The following GYS2 variants were observed in gnomAD, a reference collection of about 807,000 sequenced individuals.
The protein encoded by GYS2 is glycogen [starch] synthase, liver.
A neutral mutation model predicts 85.6 loss-of-function variants in GYS2; 80 were observed. The observed-to-expected ratio is 0.93, with a 90% CI of 0.78 to 1.13. The LOEUF (loss-of-function observed/expected upper bound fraction) is 1.13, where lower values mean the gene tolerates loss of function less well. Among genes scored for constraint, GYS2 ranks in the 50% most tolerant of loss-of-function variants. The pLI is 0.00. For missense variants in GYS2, 881 were observed against 854.9 expected, an observed-to-expected ratio of 1.03 and a Z score of -0.38; for synonymous variants, 328 against 300.7, an observed-to-expected ratio of 1.09 and a Z score of -0.94.
intron 5 of GYS2, among the ~76,000 whole-genome samples, chr12:21,567,555 G>A (rs1944336053): frequency 6.8e-6 from 1 of 146,114 alleles, no homozygotes; most frequent in African/African-American, 2.5e-5. Context: ...TTTTAACCTA[G>A]CACCTTGAAA....
intron 1 of GYS2, among the ~76,000 whole-genome samples, chr12:21,598,864 A>T (rs370289181): frequency 6.6e-6 from 1 of 152,100 alleles, no homozygotes; most frequent in South Asian, 2.1e-4. Context: ...CTGGAACAAC[A>T]TGGGGGCTAT....
At chr12:21,568,192 C>T (rs1163785273) in intron 5 of GYS2, among the ~76,000 whole-genome samples, 2 of 152,150 alleles carry the variant, frequency 1.3e-5, no homozygotes, top group Non-Finnish European at 2.9e-5. Context: ...TCCAGTGCAA[C>T]AAAGTAGAAA....
rs1160294153 is a variant in GYS2, at chr12:21,537,166, A to G, written c.1900T>C (p.Phe634Leu). 6.2e-7 allele frequency: 1 copy of G among 1,613,140 alleles called. No homozygotes were observed. Among genetic ancestry groups the G allele is most frequent in the South Asian group, 1.1e-5 (1 of 91,066 alleles). Residue 634 changes from phenylalanine to leucine, a missense_variant, in exon 16 of 16, where the codon TTT becomes CTT. Physicochemically the swap from Phe to Leu is conservative, Grantham distance 22 (BLOSUM62 0). Coordinates refer to ENST00000261195, the MANE Select transcript of GYS2 (RefSeq NM_021957.4). Reference protein sequence around the residue: ...ELTSPPTTEGFKYPRPSSVPP... With the variant: ...ELTSPPTTEGLKYPRPSSVPP... ...ACTGAGGAAGGCCTGGGATATTTAAATCCTTCTGTCTGCCAAAGACAAAAA... is the reference window on the plus strand; with the variant it reads ...ACTGAGGAAGGCCTGGGATATTTAAGTCCTTCTGTCTGCCAAAGACAAAAA...
chr12:21,568,095 C>T (rs1944343847), intron 5 of GYS2, among the ~76,000 whole-genome samples: 1 of 151,790 alleles, frequency 6.6e-6, no homozygotes, highest in African/African-American at 2.4e-5. Context: ...AAAAAGGGGT[C>T]GAAATCACTG....
intron 1 of GYS2, among the ~76,000 whole-genome samples, chr12:21,586,260 T>C (rs1944571672): frequency 6.6e-6 from 1 of 152,160 alleles, no homozygotes; most frequent in Non-Finnish European, 1.5e-5. Flanking sequence ...CTTTCTCCCA[T>C]GCTGGATGCT....
downstream of GYS2, among the ~76,000 whole-genome samples, chr12:21,533,191 T>A (rs1232708278): frequency 6.6e-6 from 1 of 152,198 alleles, no homozygotes; most frequent in East Asian, 1.9e-4. Context: ...TTTGCCTCTA[T>A]AGCCTACCTC....
intron 8 of GYS2, 78 bp downstream of exon 8, chr12:21,560,308 G>A (rs563740004): frequency 3.6e-5 from 30 of 824,804 alleles, no homozygotes; most frequent in Non-Finnish European, 5.4e-5. Context: ...AGTTCAAGGC[G>A]ATACATGAGA....
chr12:21,587,058 T>G (rs1327446175), intron 1 of GYS2, among the ~76,000 whole-genome samples: 1 of 152,166 alleles, frequency 6.6e-6, no homozygotes, highest in Admixed American at 6.5e-5. Context: ...GACATTATCC[T>G]CAGTGAAATA....
intron 11 of GYS2, 40 bp from the exon 12 acceptor site, chr12:21,546,510 G>C: frequency 1.4e-6 from 2 of 1,447,852 alleles, no homozygotes; most frequent in Non-Finnish European, 1.9e-6. Context: ...AAAGAAAAAG[G>C]AGCAAGTAAA....
chr12:21,539,962 C>T (rs1943952931), intron 14 of GYS2, among the ~76,000 whole-genome samples: 1 of 152,140 alleles, frequency 6.6e-6, no homozygotes, highest in South Asian at 2.1e-4. Context: ...TGTTTATAAA[C>T]CTATTGCATG....
intron 11 of GYS2, among the ~76,000 whole-genome samples, chr12:21,556,270 G>A (rs893458108): frequency 5.9e-5 from 9 of 152,206 alleles, no homozygotes; most frequent in Admixed American, 2.0e-4. Context: ...CAGGGCCCAA[G>A]CAATCCTCCC....
intron 1 of GYS2, among the ~76,000 whole-genome samples, chr12:21,590,920 G>T (rs1172688031): frequency 6.6e-6 from 1 of 152,082 alleles, no homozygotes; most frequent in Non-Finnish European, 1.5e-5. Flanking sequence ...GCTGCTGTAT[G>T]CACCTAGAAA....
rs1427800974 is a variant in GYS2, at chr12:21,563,280, G to C, written c.889C>G (p.His297Asp). Residue 297 changes from histidine (H) to aspartate (D), a missense_variant, in exon 6 of 16, where the codon CAT becomes GAT. Coordinates refer to ENST00000261195, the MANE Select transcript of GYS2 (RefSeq NM_021957.4). ...TGGATTCTGGCCTTGTACATGGCAT[G>C]TAGATTTTGAAACTCATGCACTGCT... is the stretch of plus-strand genomic sequence containing the variant. ...FSAVHEFQNL[H>D]AMYKARIQDF... The C allele has an allele frequency of 6.2e-7, 1 of 1,612,558 alleles. No individual in the cohort carries two copies. Among genetic ancestry groups the C allele is most frequent in the African/African-American group, 1.3e-5 (1 of 74,908 alleles).
At chr12:21,578,918 C>G (rs1249658018) in intron 2 of GYS2, among the ~76,000 whole-genome samples, 2 of 152,118 alleles carry the variant, frequency 1.3e-5, no homozygotes, top group Non-Finnish European at 2.9e-5. Context: ...TTCTCAAAAC[C>G]ATGTCATTCT....
At chr12:21,596,457 A>G (rs1944697926) in intron 1 of GYS2, among the ~76,000 whole-genome samples, 1 of 152,138 alleles carries the variant, frequency 6.6e-6, no homozygotes, top group Admixed American at 6.6e-5. Context: ...CTGCAAGTCA[A>G]TAAGTGTGAT....
In GYS2 at chr12:21,580,603, A is replaced by G. The variant is rs1591803591; in HGVS notation, c.122-80T>C. ...TAATAAGGGATGGAAATGAGTTCAG[A>G]TTTTTAAATTAGCATTTAGGATCCA... is the stretch of plus-strand genomic sequence containing the variant. On this transcript the variant is annotated intron_variant, in intron 1 of 15. Transcript: ENST00000261195. 21 of 1,033,240 alleles carry G rather than the reference A, an allele frequency of 2.0e-5. No individual in the cohort carries two copies. The South Asian group carries it at 2.4e-4, about 12-fold the overall frequency. The allele number at this position is 1,033,240 out of a possible 1,614,324, so 64.0% of individuals were successfully genotyped here.
chr12:21,552,795 C>A (rs1944129161), intron 11 of GYS2, among the ~76,000 whole-genome samples: 1 of 152,084 alleles, frequency 6.6e-6, no homozygotes. Flanking sequence ...CTGGTGAGTC[C>A]CCTTTCCTGT....
At position 21,552,934 on chromosome 12, in the gene GYS2, C is replaced by T. The variant is rs148594651; in HGVS notation, c.1422+5266G>A. 1.7e-3 allele frequency among the ~76,000 whole-genome samples: 262 copies of T among 152,320 alleles called. 1 individual carries two copies. The highest frequency in any genetic ancestry group is 6.1e-3 in the African/African-American group (255 of 41,582). ...TCTTCACCTCTCACCAAACCCTATT[C>T]ACATCTCTCCTAAAAATAATGAGTT... On this transcript the variant is annotated intron_variant, in intron 11 of 15. Transcript: ENST00000261195.
chr12:21,569,781 T>C (rs1380230050), intron 4 of GYS2, among the ~76,000 whole-genome samples: 1 of 152,196 alleles, frequency 6.6e-6, no homozygotes, highest in Non-Finnish European at 1.5e-5. Flanking sequence ...GTGAAGATTT[T>C]TAGTAGCTCT....
Sources: gnomAD v4.1 joint callset for allele counts (sites outside exome capture counted in the v4.1 genomes callset) on GRCh38, gnomAD v4.1.1 for gene constraint, MANE v1.5 for transcripts, NCBI Gene and HGNC (gene_info 2026-07-23, HGNC 2026-07-21) for gene names.